CNTNAP5: variants seen among roughly 807,000 people sequenced by gnomAD.
CNTNAP5 encodes the protein contactin associated protein family member 5, also known as contactin-associated protein-like 5.
A neutral mutation model predicts 150.2 loss-of-function variants in CNTNAP5; 72 were observed. That is an observed-to-expected ratio of 0.48 (90% CI 0.40 to 0.58). The LOEUF is 0.58. Ranked by LOEUF, CNTNAP5 falls within the 20% of genes least tolerant of loss-of-function variation. The pLI is 0.00. For missense variants in CNTNAP5, 1,636 were observed against 1,626.2 expected (o/e 1.01, Z -0.10); for synonymous variants, 672 against 619.8 (o/e 1.08, Z -1.25).
rs1573435386 is a variant in CNTNAP5, at chr2:124,524,496, A to G, written c.1477+44A>G. On this transcript the variant is annotated intron_variant, in intron 9 of 23. Coordinates refer to ENST00000682447, the MANE Select transcript of CNTNAP5 (RefSeq NM_001367498.1). ...AAGAGGGAAAATTAAGAAGGGAGGG[A>G]AATTTAAGTGGGCAATTATTTCACT... 3.9e-6 allele frequency: 6 copies of G among 1,548,944 alleles called. No individual in the cohort carries two copies. The East Asian group carries it at 1.4e-4, about 37-fold the overall frequency.
intron 1 of CNTNAP5, among the ~76,000 whole-genome samples, chr2:124,082,190 A>G (rs1470851067): frequency 6.6e-6 from 1 of 152,142 alleles, no homozygotes; most frequent in East Asian, 1.9e-4. Flanking sequence ...TCTACTAAAA[A>G]TACAAAAAAT....
At chr2:124,695,468 G>A (rs1327394316) in intron 13 of CNTNAP5, among the ~76,000 whole-genome samples, 1 of 152,154 alleles carries the variant, frequency 6.6e-6, no homozygotes, top group East Asian at 1.9e-4. Context: ...CCCTGAACTA[G>A]TATAAGCTGT....
At chr2:124,221,315 A>G (rs966368914) in intron 1 of CNTNAP5, among the ~76,000 whole-genome samples, 8 of 152,182 alleles carry the variant, frequency 5.3e-5, no homozygotes, top group Non-Finnish European at 1.2e-4. Flanking sequence ...CCCCCTTTTA[A>G]TCATCTCGCT....
At chr2:124,536,067 C>G (rs1190548795) in intron 10 of CNTNAP5, among the ~76,000 whole-genome samples, 2 of 152,126 alleles carry the variant, frequency 1.3e-5, no homozygotes, top group African/African-American at 4.8e-5. Context: ...GCCAGAAAAG[C>G]CATTGGAAGG....
chr2:124,457,958 GTT>G (rs1192390209), intron 6 of CNTNAP5, among the ~76,000 whole-genome samples: 2 of 151,586 alleles, frequency 1.3e-5, no homozygotes, highest in Non-Finnish European at 2.9e-5. Flanking sequence ...CTTCTGTACT[GTT>G]AGTGGCAATG....
At chr2:124,707,140 G>GGAAGAAGGAGAA (rs1679697594) in intron 13 of CNTNAP5, among the ~76,000 whole-genome samples, 1 of 86,380 alleles carries the variant, frequency 1.2e-5, no homozygotes, top group South Asian at 4.8e-4. Context: ...AAGAAGAAGA[G>GGAAGAAGGAGAA]GAAGAAGAAG....
intron 3 of CNTNAP5, among the ~76,000 whole-genome samples, chr2:124,296,763 C>T (rs1688441150): frequency 6.6e-6 from 1 of 152,144 alleles, no homozygotes. Context: ...CTCCTCAATA[C>T]CCCCTCTCCC....
chr2:124,681,844 G>A (rs994805556), intron 13 of CNTNAP5, among the ~76,000 whole-genome samples: 1 of 152,180 alleles, frequency 6.6e-6, no homozygotes, highest in Non-Finnish European at 1.5e-5. Context: ...TTGCAGGCAT[G>A]AACCACCATG....
At chr2:124,501,874 C>T (rs970617669) in intron 7 of CNTNAP5, among the ~76,000 whole-genome samples, 1 of 152,136 alleles carries the variant, frequency 6.6e-6, no homozygotes, top group African/African-American at 2.4e-5. Context: ...CATATTTTCT[C>T]TCCTACTTGC....
At chr2:124,726,857 T>C (rs1680167005) in intron 13 of CNTNAP5, among the ~76,000 whole-genome samples, 1 of 152,092 alleles carries the variant, frequency 6.6e-6, no homozygotes, top group Non-Finnish European at 1.5e-5. Context: ...CCCTCTGGTT[T>C]ATTTTTACTT....
At chr2:124,184,021 T>C (rs1346915263) in intron 1 of CNTNAP5, among the ~76,000 whole-genome samples, 1 of 152,164 alleles carries the variant, frequency 6.6e-6, no homozygotes, top group Non-Finnish European at 1.5e-5. Flanking sequence ...GGCCAAGACA[T>C]TTAGAGGATT....
intron 3 of CNTNAP5, among the ~76,000 whole-genome samples, chr2:124,359,595 T>G (rs1328082324): frequency 7.2e-6 from 1 of 138,122 alleles, no homozygotes; most frequent in East Asian, 2.1e-4. Flanking sequence ...GTTGTTCAGT[T>G]TCCATGTAGT....
chr2:124,599,037 A>G (rs1047219342), intron 11 of CNTNAP5, among the ~76,000 whole-genome samples: 20 of 152,100 alleles, frequency 1.3e-4, no homozygotes, highest in African/African-American at 4.3e-4. Context: ...GCCTGCGCCC[A>G]CTGTCTGGCA....
chr2:124,682,965 T>C (rs1294977131), intron 13 of CNTNAP5, among the ~76,000 whole-genome samples: 1 of 152,256 alleles, frequency 6.6e-6, no homozygotes, highest in Non-Finnish European at 1.5e-5. Context: ...GCAGTGATCA[T>C]CACACATTTT....
chr2:124,652,666 A>T (rs1021353147), intron 13 of CNTNAP5, among the ~76,000 whole-genome samples: 1 of 152,166 alleles, frequency 6.6e-6, no homozygotes, highest in Non-Finnish European at 1.5e-5. Flanking sequence ...CGCATGGGGA[A>T]ACTGAGTGCC....
chr2:124,460,235 G>C (rs1693214823), intron 6 of CNTNAP5, among the ~76,000 whole-genome samples: 1 of 152,166 alleles, frequency 6.6e-6, no homozygotes, highest in Admixed American at 6.5e-5. Context: ...AGGTAAGTTA[G>C]AATCTCAGAG....
intron 1 of CNTNAP5, among the ~76,000 whole-genome samples, chr2:124,133,926 T>C (rs74441542): frequency 0.028 from 4,205 of 152,330 alleles, 98 homozygotes; most frequent in Middle Eastern, 0.054. Context: ...AACACCTGCA[T>C]CTGTTAAAGG....
chr2:124,456,182 G>C (rs900929732), intron 6 of CNTNAP5, among the ~76,000 whole-genome samples: 5 of 152,148 alleles, frequency 3.3e-5, no homozygotes, highest in African/African-American at 9.7e-5. Flanking sequence ...GACTCATTCA[G>C]AAGCTCCTAG....
At chr2:124,484,538 T>C (rs1259907194) in intron 7 of CNTNAP5, among the ~76,000 whole-genome samples, 1 of 152,202 alleles carries the variant, frequency 6.6e-6, no homozygotes, top group African/African-American at 2.4e-5. Flanking sequence ...ACTTTACATA[T>C]ATAAAGTGAC....
Sources: gnomAD v4.1 joint callset for allele counts (sites outside exome capture counted in the v4.1 genomes callset) on GRCh38, gnomAD v4.1.1 for gene constraint, MANE v1.5 for transcripts, NCBI Gene and HGNC (gene_info 2026-07-23, HGNC 2026-07-21) for gene names.